Variants in NOP58 observed in about 807,000 individuals in gnomAD.
NOP58 encodes NOP58 ribonucleoprotein, also known as nucleolar protein 58.
Under a neutral mutation model 71.2 loss-of-function variants are expected in NOP58, and 44 were observed. That is an observed-to-expected ratio of 0.62 (90% CI 0.49 to 0.79). The LOEUF (loss-of-function observed/expected upper bound fraction) is 0.79, where lower values mean the gene tolerates loss of function less well. NOP58 is among the 30% of genes least tolerant of loss of function. The pLI is 0.00. For synonymous variants in NOP58, 228 were observed against 200.3 expected, an observed-to-expected ratio of 1.14 and a Z score of -1.17; for missense variants, 538 against 620.2, an observed-to-expected ratio of 0.87 and a Z score of 1.41.
At position 202,292,855 on chromosome 2, in the gene NOP58, A is replaced by G. The variant is rs1227314954; in HGVS notation, c.859A>G (p.Thr287Ala). Residue 287 changes from threonine (T) to alanine (A), a missense_variant, in exon 9 of 15, where the codon ACA (threonine) becomes GCA (alanine). By Grantham distance (58) the Thr-to-Ala change is moderately conservative (BLOSUM62 0). Coordinates refer to ENST00000264279, the MANE Select transcript of NOP58 (RefSeq NM_015934.5). ...AATGATGGCCATTGCACCCAATGTT[A>G]CAGTCATGGTTGGGGAATTAGTTGG... ...NRMMAIAPNV[T>A]VMVGELVGAR... The G allele has an allele frequency of 6.2e-7, 1 of 1,613,872 alleles. No individual in the cohort carries two copies. The highest frequency in any genetic ancestry group is 2.2e-5 in the East Asian group (1 of 44,882).
At chr2:202,289,582 T>G (rs546073037) in intron 6 of NOP58, among the ~76,000 whole-genome samples, 101 of 152,236 alleles carry the variant, frequency 6.6e-4, no homozygotes, top group African/African-American at 2.4e-3. Context: ...TCCCAAGCAT[T>G]TTGGGTAACG....
chr2:202,291,175 G>C lies in NOP58; in HGVS notation c.685G>C (p.Glu229Gln). The C allele has an allele frequency of 6.2e-7, 1 of 1,613,246 alleles. No individual in the cohort carries two copies. The highest frequency in any genetic ancestry group is 1.3e-5 in the African/African-American group (1 of 75,024). ...SAKLSELLPE[E>Q]VEAEVKAAAE... ...CAAGCTTTCTGAGTTGCTGCCAGAA[G>C]AAGTTGAAGCAGAAGTGAAAGCAGC... Residue 229 changes from glutamate (E) to glutamine (Q), a missense_variant, in exon 8 of 15, where the codon GAA (glutamate) becomes CAA (glutamine). By Grantham distance (29) the Glu-to-Gln change is conservative. Transcript: ENST00000264279.
At chr2:202,289,611 A>C (rs914643134) in intron 6 of NOP58, among the ~76,000 whole-genome samples, 3 of 152,210 alleles carry the variant, frequency 2.0e-5, no homozygotes, top group Non-Finnish European at 4.4e-5. Context: ...GCCACTTCAC[A>C]CAGTGGAATG....
chr2:202,301,220 T>C (rs994686075), intron 13 of NOP58, among the ~76,000 whole-genome samples: 6 of 152,110 alleles, frequency 3.9e-5, no homozygotes, highest in Non-Finnish European at 5.9e-5. Context: ...AATCTTGCTC[T>C]GTCACCCATG....
chr2:202,290,278 A>G (rs372722224), intron 6 of NOP58, 45 bp from the exon 7 acceptor site: 139 of 1,507,906 alleles, frequency 9.2e-5, no homozygotes, highest in Non-Finnish European at 1.2e-4. Flanking sequence ...TTTTACCACA[A>G]TAAATCCCTT....
At chr2:202,291,778 C>T (rs1424139503) in intron 8 of NOP58, among the ~76,000 whole-genome samples, 1 of 131,110 alleles carries the variant, frequency 7.6e-6, no homozygotes, top group Non-Finnish European at 1.5e-5. Context: ...TTGCATCCAG[C>T]CTGGGCAACA....
chr2:202,288,665 A>G (rs995369131), intron 6 of NOP58, among the ~76,000 whole-genome samples: 1 of 151,672 alleles, frequency 6.6e-6, no homozygotes, highest in African/African-American at 2.4e-5. Flanking sequence ...AAATAAAAAA[A>G]TTATCTGAGC....
intron 1 of NOP58, among the ~76,000 whole-genome samples, chr2:202,269,878 C>T (rs1688488966): frequency 6.6e-6 from 1 of 152,198 alleles, no homozygotes; most frequent in African/African-American, 2.4e-5. Context: ...TACGTATAAC[C>T]ATTTCACATG....
intron 3 of NOP58, among the ~76,000 whole-genome samples, chr2:202,281,324 T>C (rs1033132799): frequency 6.6e-6 from 1 of 151,930 alleles, no homozygotes; most frequent in Non-Finnish European, 1.5e-5. Flanking sequence ...TGTTTCGTCA[T>C]GTTAGCCAGG....
At chr2:202,283,731 G>A (rs1304350319) in intron 4 of NOP58, among the ~76,000 whole-genome samples, 6 of 152,068 alleles carry the variant, frequency 3.9e-5, no homozygotes, top group Middle Eastern at 3.4e-3. Context: ...GAGCCACCGC[G>A]CCTGGCATAA....
rs185915434 is a variant in NOP58, at chr2:202,271,175, C to G, written c.46-3938C>G. 2.9e-3 allele frequency among the ~76,000 whole-genome samples: 438 copies of G among 152,294 alleles called. 4 individuals carry two copies. The highest frequency in any genetic ancestry group is 4.3e-3 in the Non-Finnish European group (295 of 68,026). ...CTGCCCAAGTATTAGATAGGATGGG[C>G]TCAATCCTAAAAGGCACAACCCCCA... On this transcript the variant is annotated intron_variant, in intron 1 of 14. Transcript: ENST00000264279.
rs1206322198 is a variant in NOP58, at chr2:202,303,028, G to C, written c.1510G>C (p.Glu504Gln). ...KHIKEEPLSE[E>Q]EPCTSTAIAS... is the part of the protein sequence containing the mutation. ...CATTAAGGAAGAACCACTTTCTGAGGAAGAACCATGTACCAGCACAGCAAT... is the reference window on the plus strand; with the variant it reads ...CATTAAGGAAGAACCACTTTCTGAGCAAGAACCATGTACCAGCACAGCAAT... The change falls in exon 14 of 15, where the codon GAA (glutamate) becomes CAA (glutamine). Residue 504 changes from glutamate (E) to glutamine (Q), a missense_variant. Physicochemically the swap from Glu to Gln is conservative, Grantham distance 29 (BLOSUM62 2). Transcript: ENST00000264279. 1 of 1,612,526 alleles carries C rather than the reference G, an allele frequency of 6.2e-7. No homozygotes were observed. The highest frequency in any genetic ancestry group is 1.7e-5 in the Admixed American group (1 of 59,974).
At chr2:202,297,259 G>A (rs1034772253) in intron 10 of NOP58, 120 bp from the exon 11 acceptor site, 6 of 877,522 alleles carry the variant, frequency 6.8e-6, no homozygotes, top group South Asian at 4.5e-5. Flanking sequence ...GTTGAAATAC[G>A]ATGGATGATT....
chr2:202,292,728 T>G, intron 8 of NOP58, 49 bp from the exon 9 acceptor site: 1 of 1,500,720 alleles, frequency 6.7e-7, no homozygotes, highest in Non-Finnish European at 9.3e-7. Context: ...GAATTTTTAC[T>G]GTTTTTACTC....
At position 202,291,284 on chromosome 2, in the gene NOP58, C is replaced by G; in HGVS notation, c.780+14C>G. The stretch of plus-strand genomic sequence containing the variant: ...CTTTGCACCCAGGTAAATTTTACTC[C>G]TGGAGAATCTAGTTGTGGTGTTACC... On this transcript the variant is annotated intron_variant, in intron 8 of 14. Coordinates refer to ENST00000264279, the MANE Select transcript of NOP58 (RefSeq NM_015934.5). 6.3e-7 allele frequency: 1 copy of G among 1,587,670 alleles called. No individual in the cohort carries two copies. The highest frequency in any genetic ancestry group is 1.7e-4 in the Middle Eastern group (1 of 5,978).
Position 202,288,772 on chromosome 2 carries a change from A to G in NOP58, c.499+1048A>G, listed in dbSNP as rs528966485. On this transcript the variant is annotated intron_variant, in intron 6 of 14. Transcript: ENST00000264279. ...GGAGGTTGCAGTGGGCCGAGATCGCACCATTTCACTCTAGCTTGGACAACA... is the reference window on the plus strand; with the variant it reads ...GGAGGTTGCAGTGGGCCGAGATCGCGCCATTTCACTCTAGCTTGGACAACA... Among the ~76,000 whole-genome samples, 8 of 151,906 alleles carry G rather than the reference A, an allele frequency of 5.3e-5. No homozygotes were observed. In the South Asian group the frequency reaches 1.2e-3, roughly 24 times the overall value.
At chr2:202,285,614 T>G (rs1688773838) in intron 5 of NOP58, among the ~76,000 whole-genome samples, 1 of 152,098 alleles carries the variant, frequency 6.6e-6, no homozygotes, top group South Asian at 2.1e-4. Flanking sequence ...GTGCCGCGAC[T>G]GCAGGGGTGA....
intron 3 of NOP58, among the ~76,000 whole-genome samples, chr2:202,281,072 CT>C (rs1452242383): frequency 6.6e-6 from 1 of 151,906 alleles, no homozygotes; most frequent in African/African-American, 2.4e-5. Flanking sequence ...CACAAACTGC[CT>C]GACCTTGGAA....
intron 5 of NOP58, 110 bp downstream of exon 5, chr2:202,284,591 T>G (rs558233496): frequency 1.9e-5 from 22 of 1,135,670 alleles, no homozygotes; most frequent in Non-Finnish European, 2.1e-5. Context: ...CAGAACCTTA[T>G]GAAGAAGATG....
Sources: gnomAD v4.1 joint callset for allele counts (sites outside exome capture counted in the v4.1 genomes callset) on GRCh38, gnomAD v4.1.1 for gene constraint, MANE v1.5 for transcripts, NCBI Gene and HGNC (gene_info 2026-07-23, HGNC 2026-07-21) for gene names.